EYS: variants seen among roughly 807,000 people sequenced by gnomAD.
The protein encoded by EYS is EGF-like photoreceptor maintenance factor, also known as protein eyes shut homolog.
A neutral mutation model predicts 282.1 loss-of-function variants in EYS; 250 were observed. The observed-to-expected ratio is 0.89, with a 90% confidence interval of 0.80 to 0.98. The LOEUF is 0.98. Ranked by LOEUF, EYS falls within the 50% of genes least tolerant of loss-of-function variation. The pLI, the probability that EYS is intolerant of heterozygous loss-of-function variation, is 0.00. For missense variants in EYS, 4,016 were observed against 3,709.0 expected (o/e 1.08, Z -2.15); for synonymous variants, 1,355 against 1,282.9 (o/e 1.06, Z -1.20).
intron 12 of EYS, among the ~76,000 whole-genome samples, chr6:65,160,085 A>G (rs1320699542): frequency 6.6e-6 from 1 of 150,816 alleles, no homozygotes; most frequent in African/African-American, 2.4e-5. Context: ...TTGTTGCTCT[A>G]TATGTTTTTA....
At chr6:63,996,818 T>C (rs1414554274) in intron 34 of EYS, among the ~76,000 whole-genome samples, 2 of 152,166 alleles carry the variant, frequency 1.3e-5, no homozygotes, top group African/African-American at 4.8e-5. Context: ...GTCTGGAACA[T>C]AGTATTACAT....
intron 2 of EYS, among the ~76,000 whole-genome samples, chr6:65,530,229 T>C (rs1767713844): frequency 6.6e-6 from 1 of 152,200 alleles, no homozygotes; most frequent in Non-Finnish European, 1.5e-5. Context: ...TTTTGCTTGG[T>C]AGCCTACTTG....
At chr6:64,738,777 G>A (rs1772272013) in intron 22 of EYS, among the ~76,000 whole-genome samples, 1 of 152,136 alleles carries the variant, frequency 6.6e-6, no homozygotes, top group Non-Finnish European at 1.5e-5. Context: ...TTTTTTTTAA[G>A]ATGTAATTTT....
chr6:65,093,260 C>CAAT (rs778630784), intron 12 of EYS, among the ~76,000 whole-genome samples: 11 of 151,894 alleles, frequency 7.2e-5, no homozygotes, highest in Non-Finnish European at 1.6e-4. Flanking sequence ...GAGAGGTCAT[C>CAAT]AATAGCAGGC....
chr6:64,350,499 G>A (rs1771583703), intron 29 of EYS, among the ~76,000 whole-genome samples: 1 of 151,452 alleles, frequency 6.6e-6, no homozygotes, highest in South Asian at 2.1e-4. Context: ...TAAGGAGAGA[G>A]CCAGTTGTAT....
chr6:65,125,393 C>A (rs768382872), intron 12 of EYS, among the ~76,000 whole-genome samples: 3 of 152,102 alleles, frequency 2.0e-5, no homozygotes, highest in Admixed American at 6.6e-5. Flanking sequence ...TCCTTTGTCC[C>A]CCGCTGCCCA....
chr6:64,508,848 G>A (rs185470637), intron 26 of EYS, among the ~76,000 whole-genome samples: 3 of 151,954 alleles, frequency 2.0e-5, no homozygotes, highest in Non-Finnish European at 2.9e-5. Flanking sequence ...GATCTTCGAA[G>A]AAAGGGAGCT....
Position 63,785,012 on chromosome 6 carries a change from G to A in EYS, c.7723+3093C>T, listed in dbSNP as rs544819121. Among the ~76,000 whole-genome samples the A allele has an allele frequency of 5.1e-4, 78 of 152,234 alleles. 2 individuals are homozygous for A. The highest frequency in any genetic ancestry group is 1.9e-3 in the African/African-American group (77 of 41,526). On this transcript the variant is annotated intron_variant, in intron 39 of 42. Coordinates refer to ENST00000503581, the MANE Select transcript of EYS (RefSeq NM_001142800.2). ...TACATATTACTGGGCCCCATTCCCTGAGTTTCTGGTTCAATTACAATTTGC... is the reference window on the plus strand; with the variant it reads ...TACATATTACTGGGCCCCATTCCCTAAGTTTCTGGTTCAATTACAATTTGC...
rs576244256 is a variant in EYS, at chr6:64,223,757, T to C, written c.6424+6835A>G. ...TGTGTGGGTATACACGTAATGTATA[T>C]AATAATTGTATTAAAAACAAATAGG... On this transcript the variant is annotated intron_variant, in intron 31 of 42. Transcript: ENST00000503581. Among the ~76,000 whole-genome samples, 11 of 152,210 alleles carry C rather than the reference T, an allele frequency of 7.2e-5. 1 individual carries two copies. Among genetic ancestry groups the C allele is most frequent in the African/African-American group, 2.6e-4 (11 of 41,578 alleles).
At chr6:65,410,838 A>G (rs1766963639) in intron 5 of EYS, among the ~76,000 whole-genome samples, 1 of 151,956 alleles carries the variant, frequency 6.6e-6, no homozygotes, top group African/African-American at 2.4e-5. Flanking sequence ...AATGTTAACT[A>G]TATACAAAAT....
chr6:64,061,139 G>A (rs1016573965), intron 33 of EYS, among the ~76,000 whole-genome samples: 1 of 152,112 alleles, frequency 6.6e-6, no homozygotes, highest in Admixed American at 6.6e-5. Context: ...TCTAAGGAAG[G>A]GGGAATAGGC....
intron 12 of EYS, among the ~76,000 whole-genome samples, chr6:65,114,509 G>C (rs544843088): frequency 2.0e-4 from 31 of 151,280 alleles, no homozygotes; most frequent in African/African-American, 7.3e-4. Context: ...ATTTCAGGGT[G>C]GTTACTGAGA....
At position 65,276,477 on chromosome 6, in the gene EYS, C is replaced by A. The variant is rs188803838; in HGVS notation, c.2023+19386G>T. ...ACTGGGTCACTTAGAACTCCTCATG[C>A]CTCAGGATCAACAGGCAAAGAAGAG... On this transcript the variant is annotated intron_variant, in intron 12 of 42. Transcript: ENST00000503581. Among the ~76,000 whole-genome samples the A allele has an allele frequency of 5.3e-5, 8 of 151,840 alleles. No individual in the cohort carries two copies. The East Asian group carries it at 1.6e-3, about 29-fold the overall frequency.
chr6:65,120,673 A>G (rs1445466046), intron 12 of EYS, among the ~76,000 whole-genome samples: 2 of 152,010 alleles, frequency 1.3e-5, no homozygotes, highest in East Asian at 3.9e-4. Flanking sequence ...ATACACCTAA[A>G]AAGCACAAGC....
chr6:65,627,936 C>T (rs927590729), intron 2 of EYS, among the ~76,000 whole-genome samples: 1 of 152,248 alleles, frequency 6.6e-6, no homozygotes, highest in South Asian at 2.1e-4. Flanking sequence ...GAGCGCACGG[C>T]GCAGGACTGG....
intron 5 of EYS, among the ~76,000 whole-genome samples, chr6:65,416,517 G>A (rs772526395): frequency 3.9e-5 from 6 of 151,966 alleles, no homozygotes; most frequent in Admixed American, 2.0e-4. Context: ...TTTTATTTTA[G>A]TAGAAATCAT....
chr6:65,406,272 C>T (rs1324729214), intron 5 of EYS, among the ~76,000 whole-genome samples: 2 of 151,962 alleles, frequency 1.3e-5, no homozygotes, highest in East Asian at 3.9e-4. Flanking sequence ...GTGTTATCAG[C>T]TTTCTTATGA....
chr6:65,344,041 T>G lies in EYS; in HGVS notation c.1596A>C (p.Lys532Asn), dbSNP rs61753611. The G allele has an allele frequency of 9.5e-3, 15,254 of 1,609,906 alleles. 104 individuals are homozygous for G. Among genetic ancestry groups the G allele is most frequent in the Non-Finnish European group, 0.011 (13,504 of 1,177,412 alleles). Residue 532 changes from lysine to asparagine, a missense_variant, in exon 10 of 43, where the codon AAA (lysine) becomes AAC (asparagine). Physicochemically the swap from Lys to Asn is moderately conservative, Grantham distance 94. Coordinates refer to ENST00000503581, the MANE Select transcript of EYS (RefSeq NM_001142800.2). ...CAACTACATAAAATTACCTTACCTC[T>G]TTTGTGCCTTCATGTGGGAACCAAC... The part of the protein sequence containing the change: ...SSCWFPHEGT[K>N]EICANGCSCL...
intron 35 of EYS, among the ~76,000 whole-genome samples, chr6:63,975,132 G>A (rs1766772637): frequency 6.6e-6 from 1 of 151,286 alleles, no homozygotes; most frequent in Non-Finnish European, 1.5e-5. Flanking sequence ...ATAAACAATA[G>A]AAATTGTGAA....
Sources: allele counts gnomAD v4.1 joint callset (sites outside exome capture counted in the v4.1 genomes callset), GRCh38; gene constraint gnomAD v4.1.1; transcripts MANE v1.5; gene names NCBI Gene and HGNC (gene_info 2026-07-23, HGNC 2026-07-21).